The following EP300 variants were observed in gnomAD, a reference collection of about 807,000 sequenced individuals.
The protein encoded by EP300 is histone acetyltransferase p300.
Under a neutral mutation model 264.0 loss-of-function variants are expected in EP300, and 31 were observed. That is an observed-to-expected ratio of 0.12 (90% confidence interval 0.09 to 0.16). The LOEUF (loss-of-function observed/expected upper bound fraction) is 0.16, where lower values mean the gene tolerates loss of function less well. Among genes scored for constraint, EP300 ranks in the 10% least tolerant of loss-of-function variants. EP300 has a pLI of 1.00. For synonymous variants in EP300, 1,340 were observed against 1,045.4 expected, an observed-to-expected ratio of 1.28 and a Z score of -5.44; for missense variants, 2,766 against 3,052.9, an observed-to-expected ratio of 0.91 and a Z score of 2.21.
At chr22:41,176,612 C>A (rs2059202031) in intron 30 of EP300, 84 bp downstream of exon 30, 1 of 1,607,436 alleles carries the variant, frequency 6.2e-7, no homozygotes. Flanking sequence ...TTATAGAGGC[C>A]TGTGGGATGC....
At chr22:41,126,192 G>C in intron 3 of EP300, 152 bp downstream of exon 3, 1 of 739,760 alleles carries the variant, frequency 1.4e-6, no homozygotes, top group Admixed American at 2.5e-5. Context: ...GAGGAGGCTT[G>C]TGCTTCCTTT....
chr22:41,110,220 TG>T (rs1355440359), intron 1 of EP300, among the ~76,000 whole-genome samples: 1 of 134,514 alleles, frequency 7.4e-6, no homozygotes, highest in Non-Finnish European at 1.5e-5. Flanking sequence ...CTCAACCTCC[TG>T]GGCTCAAGCA....
intron 27 of EP300, among the ~76,000 whole-genome samples, chr22:41,170,828 A>C (rs2059165908): frequency 6.6e-6 from 1 of 151,382 alleles, no homozygotes; most frequent in Non-Finnish European, 1.5e-5. Flanking sequence ...CACCCGGCTA[A>C]ATTTTTTTGT....
chr22:41,137,881 T>G, intron 8 of EP300, 91 bp downstream of exon 8: 1 of 1,565,156 alleles, frequency 6.4e-7, no homozygotes, highest in Non-Finnish European at 8.8e-7. Flanking sequence ...TAAAGGAATA[T>G]TAGCAATTTT....
rs2145517857 is a variant in EP300 at position 41,177,523 on chromosome 22, A to G, written c.5812A>G (p.Thr1938Ala). Residue 1938 changes from threonine (T) to alanine (A), a missense_variant, in exon 31 of 31, where the codon ACG (threonine) becomes GCG (alanine). Thr to Ala is a moderately conservative substitution (Grantham distance 58). Coordinates refer to ENST00000263253, the MANE Select transcript of EP300 (RefSeq NM_001429.4). The stretch of plus-strand genomic sequence containing the variant: ...AATGCAGATTCAGAGAGCAGCGGAG[A>G]CGCAGCGCCAGATGGCCCACGTGCA... ...MAMQIQRAAETQRQMAHVQIF... is the reference protein window; with the variant it reads ...MAMQIQRAAEAQRQMAHVQIF... The G allele has an allele frequency of 6.2e-7, 1 of 1,614,096 alleles. No homozygotes were observed. Among genetic ancestry groups the G allele is most frequent in the Non-Finnish European group, 8.5e-7 (1 of 1,180,018 alleles).
rs1020361371 is a variant in EP300, at chr22:41,092,989, T to G, written c.-16T>G. ...GATTCTGGTTTTCCTCGCTTGTATC[T>G]CCGAAAGAATTAAAAATGGCCGAGA... On this transcript the variant is annotated 5_prime_UTR_variant, in exon 1 of 31. Transcript: ENST00000263253. 3 of 1,613,952 alleles carry G rather than the reference T, an allele frequency of 1.9e-6. No homozygotes were observed. The highest frequency in any genetic ancestry group is 2.5e-6 in the Non-Finnish European group (3 of 1,179,914).
intron 20 of EP300, among the ~76,000 whole-genome samples, chr22:41,161,982 T>A (rs904092979): frequency 5.9e-5 from 9 of 152,184 alleles, no homozygotes; most frequent in African/African-American, 2.2e-4. Flanking sequence ...ACGTAAGCCT[T>A]GTCATTGAAC....
intron 1 of EP300, among the ~76,000 whole-genome samples, chr22:41,099,709 T>C (rs550655456): frequency 6.6e-6 from 1 of 152,342 alleles, no homozygotes; most frequent in African/African-American, 2.4e-5. Context: ...TCCATATAGC[T>C]GTCATTGCTA....
rs771056612 is a variant in EP300 at position 41,151,948 on chromosome 22, T to A, written c.2933T>A (p.Met978Lys). ...AAGCAGCCTTCCCAGGAAGTGAAGA[T>A]GGAGGCCAAAATGGAAGTGGATCAA... The part of the protein sequence containing the change: ...AEKQPSQEVK[M>K]EAKMEVDQPE... Residue 978 changes from methionine (M) to lysine (K), a missense_variant, in exon 15 of 31, where the codon ATG becomes AAG. Met to Lys is a moderately conservative substitution (Grantham distance 95). Transcript: ENST00000263253. The A allele has an allele frequency of 6.2e-7, 1 of 1,614,106 alleles. No individual in the cohort carries two copies. Among genetic ancestry groups the A allele is most frequent in the South Asian group, 1.1e-5 (1 of 91,084 alleles).
At chr22:41,169,108 G>C (rs1025671021) in intron 25 of EP300, 8 of 604,474 alleles carry the variant, frequency 1.3e-5, no homozygotes, top group African/African-American at 1.3e-4. Context: ...CCTGAAATTG[G>C]AATTTGAAAA....
intron 21 of EP300, among the ~76,000 whole-genome samples, chr22:41,163,472 G>C (rs912967118): frequency 6.6e-6 from 1 of 150,538 alleles, no homozygotes; most frequent in Non-Finnish European, 1.5e-5. Flanking sequence ...AGGTTTGGCC[G>C]GGCACAGTGG....
intron 16 of EP300, among the ~76,000 whole-genome samples, chr22:41,154,399 T>TTTTTG (rs2059064949): frequency 1.4e-5 from 2 of 142,290 alleles, no homozygotes; most frequent in Admixed American, 7.3e-5. Context: ...TTTTTTTTTT[T>TTTTTG]GAGATGGGGC....
At chr22:41,098,973 G>C (rs1297286003) in intron 1 of EP300, among the ~76,000 whole-genome samples, 1 of 152,150 alleles carries the variant, frequency 6.6e-6, no homozygotes, top group Non-Finnish European at 1.5e-5. Context: ...GACTATGCTT[G>C]CTTCTGTGTA....
At chr22:41,119,004 CTTTTT>C (rs972813377) in intron 2 of EP300, among the ~76,000 whole-genome samples, 2 of 130,970 alleles carry the variant, frequency 1.5e-5, no homozygotes, top group Admixed American at 8.2e-5. Context: ...CCCCCGCCAC[CTTTTT>C]TTTTTTTTTT....
Position 41,117,657 on chromosome 22 carries a change from A to T in EP300, c.565A>T (p.Asn189Tyr). 6.2e-7 allele frequency: 1 copy of T among 1,614,238 alleles called. No individual in the cohort carries two copies. Among genetic ancestry groups the T allele is most frequent in the South Asian group, 1.1e-5 (1 of 91,088 alleles). ...AGGCAATGGACAAGGGATAATGCCT[A>T]ATCAAGTCATGAACGGTTCAATTGG... ...AAGNGQGIMP[N>Y]QVMNGSIGAG... The change falls in exon 2 of 31, where the codon AAT becomes TAT. Residue 189 changes from asparagine (N) to tyrosine (Y), a missense_variant. By Grantham distance (143) the Asn-to-Tyr change is moderately radical. Coordinates refer to ENST00000263253, the MANE Select transcript of EP300 (RefSeq NM_001429.4).
At chr22:41,108,641 C>CAA (rs140652493) in intron 1 of EP300, among the ~76,000 whole-genome samples, 1 of 147,404 alleles carries the variant, frequency 6.8e-6, no homozygotes, top group Admixed American at 6.8e-5. Context: ...GAAGAAACTT[C>CAA]AAAAAAAAAA....
chr22:41,097,349 T>G (rs1025983026), intron 1 of EP300, among the ~76,000 whole-genome samples: 10 of 152,174 alleles, frequency 6.6e-5, no homozygotes, highest in Admixed American at 1.3e-4. Flanking sequence ...GCATGTCCAG[T>G]GAATGGATAA....
chr22:41,158,234 C>T (rs542193631), intron 18 of EP300, among the ~76,000 whole-genome samples, 178 bp from the exon 19 acceptor site: 10 of 152,178 alleles, frequency 6.6e-5, no homozygotes, highest in South Asian at 6.2e-4. Flanking sequence ...CCTACCTCAG[C>T]GTTTTGAAAT....
intron 3 of EP300, among the ~76,000 whole-genome samples, chr22:41,126,881 A>T (rs1398106964): frequency 6.6e-6 from 1 of 151,234 alleles, no homozygotes; most frequent in East Asian, 1.9e-4. Flanking sequence ...AGTAGCTGGG[A>T]TTACAGGCAT....
Sources: allele counts gnomAD v4.1 joint callset (sites outside exome capture counted in the v4.1 genomes callset), GRCh38; gene constraint gnomAD v4.1.1; transcripts MANE v1.5; gene names NCBI Gene and HGNC (gene_info 2026-07-23, HGNC 2026-07-21).